Variants in NECTIN3 observed in about 807,000 individuals in gnomAD.
NECTIN3 encodes nectin cell adhesion molecule 3, also known as nectin-3.
Under a neutral mutation model 49.4 loss-of-function variants are expected in NECTIN3, and 8 were observed. The observed-to-expected ratio is 0.16, with a 90% CI of 0.10 to 0.29. NECTIN3 has a LOEUF of 0.29. Among genes scored for constraint, NECTIN3 ranks in the 10% least tolerant of loss-of-function variants. The pLI, the probability that NECTIN3 is intolerant of heterozygous loss-of-function variation, is 1.00. For synonymous variants in NECTIN3, 277 were observed against 241.1 expected (o/e 1.15, Z -1.38); for missense variants, 581 against 654.6 (o/e 0.89, Z 1.23).
At chr3:111,171,848 A>T (rs16857701) in intron 7 of NECTIN3, among the ~76,000 whole-genome samples, 2,711 of 152,282 alleles carry the variant, frequency 0.018, 81 homozygotes, top group East Asian at 0.088. Context: ...GCCCTGCTAA[A>T]GGTCTGTTAC....
At chr3:111,079,038 G>A (rs916922077) in intron 1 of NECTIN3, among the ~76,000 whole-genome samples, 2 of 152,070 alleles carry the variant, frequency 1.3e-5, no homozygotes, top group Admixed American at 6.5e-5. Context: ...CTCCAACTAA[G>A]TGTCTGAGAA....
downstream of NECTIN3, among the ~76,000 whole-genome samples, chr3:111,141,444 G>GT (rs1482526245): frequency 6.6e-6 from 1 of 151,616 alleles, no homozygotes; most frequent in African/African-American, 2.4e-5. Flanking sequence ...AAAATTATTT[G>GT]TTTTTGAATG....
At chr3:111,192,632 C>T (rs2035832691) in intron 1 of NECTIN3, among the ~76,000 whole-genome samples, 1 of 152,144 alleles carries the variant, frequency 6.6e-6, no homozygotes, top group African/African-American at 2.4e-5. Context: ...CACCACAGAA[C>T]ATCATGGGGG....
chr3:111,174,975 G>A (rs1644074389), intron 7 of NECTIN3, among the ~76,000 whole-genome samples: 1 of 152,052 alleles, frequency 6.6e-6, no homozygotes, highest in Non-Finnish European at 1.5e-5. Context: ...CTTGAAGGAT[G>A]AATGCAGGAT....
chr3:111,127,301 C>G (rs1409589354), intron 5 of NECTIN3, among the ~76,000 whole-genome samples: 1 of 151,946 alleles, frequency 6.6e-6, no homozygotes, highest in Non-Finnish European at 1.5e-5. Context: ...AGAAAAGTAC[C>G]ACGTATTATA....
chr3:111,071,997 G>T lies in NECTIN3; in HGVS notation c.-21G>T. On this transcript the variant is annotated 5_prime_UTR_variant, in exon 1 of 6. Transcript: ENST00000485303. ...GGAGCCGGGGGGCGGGCGGGCGAGC[G>T]GGCCGGGGGGAGGGTGGGGGATGGC... 6.9e-7 allele frequency: 1 copy of T among 1,442,658 alleles called. No individual in the cohort carries two copies. The highest frequency in any genetic ancestry group is 9.1e-7 in the Non-Finnish European group (1 of 1,094,806). 89.4% of individuals were successfully genotyped at this position (1,442,658 alleles called of 1,614,324 possible). A position where few individuals can be genotyped will look rare whatever the true frequency, so the allele number is the denominator to read the frequency against.
downstream of NECTIN3, among the ~76,000 whole-genome samples, chr3:111,140,710 T>A (rs2107504164): frequency 6.6e-6 from 1 of 151,930 alleles, no homozygotes; most frequent in South Asian, 2.1e-4. Context: ...TGAGCTCTCA[T>A]AAATCGTGTC....
chr3:111,139,204 A>G (rs185031663), downstream of NECTIN3, among the ~76,000 whole-genome samples: 183 of 151,818 alleles, frequency 1.2e-3, 1 homozygote, highest in Non-Finnish European at 9.3e-4. Context: ...TTACACCAAA[A>G]TTAATAATAA....
At chr3:111,139,337 C>G (rs1293026534), downstream of NECTIN3, among the ~76,000 whole-genome samples, 2 of 151,644 alleles carry the variant, frequency 1.3e-5, no homozygotes, top group Non-Finnish European at 3.0e-5. Context: ...ACTCTGTTTA[C>G]CCCCACCCCA....
At chr3:111,181,826 T>G (rs2035631287) in intron 7 of NECTIN3, among the ~76,000 whole-genome samples, 1 of 152,070 alleles carries the variant, frequency 6.6e-6, no homozygotes, top group Non-Finnish European at 1.5e-5. Flanking sequence ...AGATTTTGAT[T>G]TTATTAATTC....
At chr3:111,097,066 C>T (rs2032629197) in intron 1 of NECTIN3, among the ~76,000 whole-genome samples, 1 of 152,182 alleles carries the variant, frequency 6.6e-6, no homozygotes, top group African/African-American at 2.4e-5. Context: ...CAATGCCAGC[C>T]CGTGAAAGCC....
chr3:111,097,016 T>A (rs1169590692), intron 1 of NECTIN3, among the ~76,000 whole-genome samples: 1 of 152,158 alleles, frequency 6.6e-6, no homozygotes, highest in Non-Finnish European at 1.5e-5. Context: ...GTAGATCCAC[T>A]GACAGCTTGC....
intron 1 of NECTIN3, chr3:111,077,057 C>A: frequency 5.9e-6 from 1 of 170,370 alleles, no homozygotes; most frequent in South Asian, 1.3e-4. Context: ...TATAATGTAA[C>A]TTATCAATTA....
intron 1 of NECTIN3, among the ~76,000 whole-genome samples, chr3:111,078,513 G>A (rs988680842): frequency 1.3e-5 from 2 of 152,154 alleles, no homozygotes; most frequent in African/African-American, 4.8e-5. Flanking sequence ...AGTTAACAAT[G>A]TGAATTAGTT....
chr3:111,111,954 G>T lies in NECTIN3; in HGVS notation c.161-76G>T, dbSNP rs73854906. The T allele has an allele frequency of 2.3e-3, 1,952 of 831,276 alleles. 19 individuals carry two copies. The highest frequency in any genetic ancestry group is 0.023 in the African/African-American group (1,315 of 57,760). 51.5% of individuals were successfully genotyped at this position (831,276 alleles called of 1,614,324 possible). On this transcript the variant is annotated intron_variant, in intron 1 of 5. Transcript: ENST00000485303. ...GTGTGTAGCTAGAGATAGTTACACAGGGGGTCAGGAAGGGAGGAGAGTGTT... is the reference window on the plus strand; with the variant it reads ...GTGTGTAGCTAGAGATAGTTACACATGGGGTCAGGAAGGGAGGAGAGTGTT...
At chr3:111,154,739 A>G (rs1371501184) in intron 7 of NECTIN3, among the ~76,000 whole-genome samples, 1 of 152,154 alleles carries the variant, frequency 6.6e-6, no homozygotes, top group African/African-American at 2.4e-5. Context: ...CCTAGTTACT[A>G]ATATGTAGAA....
chr3:111,133,715 C>A lies in NECTIN3; in HGVS notation c.1150C>A (p.Pro384Thr), dbSNP rs1396356110. Residue 384 changes from proline (P) to threonine (T), a missense_variant, in exon 6 of 6, where the codon CCT becomes ACT. Physicochemically the swap from Pro to Thr is conservative, Grantham distance 38 (BLOSUM62 -1). Transcript: ENST00000485303. The part of the protein sequence containing the change: ...TADIEDLATE[P>T]KKLPFPLSTL... ...TGACATCGAGGATCTAGCAACAGAA[C>A]CTAAAAAATTGCCCTTCCCATTGTC... 1.2e-5 allele frequency: 19 copies of A among 1,613,888 alleles called. No homozygotes were observed. The highest frequency in any genetic ancestry group is 1.6e-5 in the Non-Finnish European group (19 of 1,179,846).
intron 4 of NECTIN3, among the ~76,000 whole-genome samples, chr3:111,125,093 A>G (rs938910759): frequency 3.0e-5 from 4 of 131,680 alleles, no homozygotes; most frequent in Admixed American, 2.8e-4. Flanking sequence ...CAGTAGTGCC[A>G]TCTCGTCTCA....
chr3:111,141,410 A>G (rs144050900), downstream of NECTIN3, among the ~76,000 whole-genome samples: 42 of 152,112 alleles, frequency 2.8e-4, no homozygotes, highest in Non-Finnish European at 5.2e-4. Context: ...AGGTGTACAC[A>G]TATGTTTCAA....
Sources: allele counts gnomAD v4.1 joint callset (sites outside exome capture counted in the v4.1 genomes callset), GRCh38; gene constraint gnomAD v4.1.1; transcripts MANE v1.5; gene names NCBI Gene and HGNC (gene_info 2026-07-23, HGNC 2026-07-21).